Variants in LRRC75A observed in about 807,000 individuals in gnomAD.
The protein encoded by LRRC75A is leucine-rich repeat-containing protein 75A.
LRRC75A carries 12 observed loss-of-function variants against 26.0 expected under a neutral mutation model. The ratio of observed to expected loss-of-function variants is 0.46; its 90% CI spans 0.30 to 0.75. The LOEUF is 0.75. LRRC75A is among the 30% of genes least tolerant of loss of function. LRRC75A has a pLI of 0.08. For missense variants in LRRC75A, 410 were observed against 486.6 expected (o/e 0.84, Z 1.48); for synonymous variants, 223 against 219.3 (o/e 1.02, Z -0.15).
At chr17:16,474,685 G>A (rs1272661536) in intron 1 of LRRC75A, among the ~76,000 whole-genome samples, 2 of 152,044 alleles carry the variant, frequency 1.3e-5, no homozygotes, top group Admixed American at 6.6e-5. Flanking sequence ...TTCTGCCCAA[G>A]TGAAATGAAA....
Position 16,447,890 on chromosome 17 carries a change from T to C in LRRC75A, c.446A>G (p.Gln149Arg). 6.5e-7 allele frequency: 1 copy of C among 1,550,334 alleles called. No homozygotes were observed. Among genetic ancestry groups the C allele is most frequent in the Non-Finnish European group, 8.7e-7 (1 of 1,146,740 alleles). ...QLTYHLSPHSQWRRHRGLVKR... is the reference protein window; with the variant it reads ...QLTYHLSPHSRWRRHRGLVKR... Reference sequence around the variant, plus strand: ...CACCAGCCCCCGGTGCCGCCTCCACTGGGAGTGGGGGCTGAGGTGGTATGT... The same window carrying C: ...CACCAGCCCCCGGTGCCGCCTCCACCGGGAGTGGGGGCTGAGGTGGTATGT... Residue 149 changes from glutamine (Q) to arginine (R), a missense_variant, in exon 3 of 4, where the codon CAG (glutamine) becomes CGG (arginine). Gln to Arg is a conservative substitution (Grantham distance 43). Transcript: ENST00000470794.
Position 16,491,999 on chromosome 17 carries a change from C to A in LRRC75A, c.-9G>T. 1 of 1,165,902 alleles carries A rather than the reference C, an allele frequency of 8.6e-7. No homozygotes were observed. The highest frequency in any genetic ancestry group is 4.0e-5 in the South Asian group (1 of 24,730). The allele number at this position is 1,165,902 out of a possible 1,614,324, so 72.2% of individuals were successfully genotyped here. A position where few individuals can be genotyped will look rare whatever the true frequency, so the allele number is the denominator to read the frequency against. ...GTCTGCCGGGTGCCCATGCCGCCGC[C>A]GCCCGCCGGGACTCTCCGCTCTGGG... On this transcript the variant is annotated 5_prime_UTR_variant, in exon 1 of 4. Coordinates refer to ENST00000470794, the MANE Select transcript of LRRC75A (RefSeq NM_001113567.3). The surrounding 1 kb of genome is among the most constrained non-coding windows in gnomAD (Gnocchi z 5.9).
chr17:16,480,195 AT>A (rs1470556363), intron 1 of LRRC75A, among the ~76,000 whole-genome samples: 2 of 152,236 alleles, frequency 1.3e-5, no homozygotes, highest in African/African-American at 4.8e-5. Flanking sequence ...TTGTATAATT[AT>A]TTCATTATAT....
rs529427017 is a variant in LRRC75A at position 16,469,662 on chromosome 17, C to T, written c.247-7276G>A. ...GACCTTGAGAAGGGACATCTTCACC[C>T]ACTTCATGGCCTGAATCTCCAACAC... On this transcript the variant is annotated intron_variant, in intron 1 of 3. Coordinates refer to ENST00000470794, the MANE Select transcript of LRRC75A (RefSeq NM_001113567.3). Among the ~76,000 whole-genome samples, 7 of 152,330 alleles carry T rather than the reference C, an allele frequency of 4.6e-5. No homozygotes were observed. The South Asian group carries it at 1.4e-3, about 32-fold the overall frequency.
At chr17:16,463,968 A>T (rs3744281) in intron 1 of LRRC75A, 91,508 of 152,164 alleles carry the variant, frequency 0.6, 28,252 homozygotes, top group Non-Finnish European at 0.67. Flanking sequence ...TACAAGCAAA[A>T]AAAGAGTCTT....
intron 1 of LRRC75A, among the ~76,000 whole-genome samples, chr17:16,489,978 G>A (rs576101883): frequency 6.6e-6 from 1 of 152,196 alleles, no homozygotes; most frequent in South Asian, 2.1e-4. Context: ...ATCCCACAGT[G>A]GGGCTGCAGG....
intron 1 of LRRC75A, among the ~76,000 whole-genome samples, chr17:16,465,554 T>C (rs1331845103): frequency 6.6e-6 from 1 of 152,162 alleles, no homozygotes; most frequent in African/African-American, 2.4e-5. Context: ...AAGAAAAGCT[T>C]GAAAGCCCTG....
intron 1 of LRRC75A, among the ~76,000 whole-genome samples, chr17:16,465,759 C>T (rs975869132): frequency 1.2e-4 from 19 of 152,252 alleles, no homozygotes; most frequent in African/African-American, 9.6e-5. Flanking sequence ...CGTCTCCCCG[C>T]GCCATCCCCC....
rs73288904 is a variant in LRRC75A at position 16,462,727 on chromosome 17, A to G, written c.247-341T>C. The G allele has an allele frequency of 3.8e-3, 1,018 of 265,448 alleles. 11 individuals are homozygous for G. The highest frequency in any genetic ancestry group is 0.022 in the African/African-American group (977 of 45,070). 16.4% of individuals were successfully genotyped at this position (265,448 alleles called of 1,614,324 possible). A position where few individuals can be genotyped will look rare whatever the true frequency, so the allele number is the denominator to read the frequency against. The stretch of plus-strand genomic sequence containing the variant: ...CCTCGGTGCAAGCAGCTGCTTCTCT[A>G]TGGTGGCAAAATTTGGAATTAACTG... On this transcript the variant is annotated intron_variant, in intron 1 of 3. Coordinates refer to ENST00000470794, the MANE Select transcript of LRRC75A (RefSeq NM_001113567.3). The surrounding 1 kb of genome is among the most constrained non-coding windows in gnomAD (Gnocchi z 4.6).
chr17:16,448,263 A>T, intron 2 of LRRC75A: 1 of 395,390 alleles, frequency 2.5e-6, no homozygotes, highest in Middle Eastern at 3.6e-4. Flanking sequence ...CCTGGCCAAG[A>T]CTCACCATGA....
intron 2 of LRRC75A, among the ~76,000 whole-genome samples, chr17:16,450,551 T>C (rs1213560236): frequency 6.6e-6 from 1 of 152,164 alleles, no homozygotes; most frequent in Non-Finnish European, 1.5e-5. Context: ...GTCACTCTTG[T>C]GTGTTGCAGA....
chr17:16,482,600 A>C lies in LRRC75A; in HGVS notation c.246+9145T>G, dbSNP rs2093837120. Among the ~76,000 whole-genome samples, 6 of 152,208 alleles carry C rather than the reference A, an allele frequency of 3.9e-5. No homozygotes were observed. In the South Asian group the frequency reaches 1.2e-3, roughly 31 times the overall value. On this transcript the variant is annotated intron_variant, in intron 1 of 3. Transcript: ENST00000470794. ...CTGGGCCTAGCGCCTGTGTCCACTCATGAGCCCCACTGAGGAAAGGGGTTT... is the reference window on the plus strand; with the variant it reads ...CTGGGCCTAGCGCCTGTGTCCACTCCTGAGCCCCACTGAGGAAAGGGGTTT...
In LRRC75A at chr17:16,471,266, C is replaced by T. The variant is rs79921399; in HGVS notation, c.247-8880G>A. 6.4e-3 allele frequency among the ~76,000 whole-genome samples: 981 copies of T among 152,240 alleles called. 7 individuals are homozygous for T. Among genetic ancestry groups the T allele is most frequent in the African/African-American group, 0.022 (921 of 41,546 alleles). Reference sequence around the variant, plus strand: ...TGGAAGGGAGAAAGAGTGAAATCTCCCCTGGAATCTCTGGATGGACACGGC... The same window carrying T: ...TGGAAGGGAGAAAGAGTGAAATCTCTCCTGGAATCTCTGGATGGACACGGC... On this transcript the variant is annotated intron_variant, in intron 1 of 3. Transcript: ENST00000470794.
At chr17:16,453,501 A>G (rs1312147831) in intron 2 of LRRC75A, among the ~76,000 whole-genome samples, 2 of 152,296 alleles carry the variant, frequency 1.3e-5, no homozygotes, top group South Asian at 2.1e-4. Flanking sequence ...CACTGGCTAG[A>G]CAGGAACAAT....
intron 2 of LRRC75A, among the ~76,000 whole-genome samples, chr17:16,460,619 G>A (rs1237679223): frequency 6.6e-6 from 1 of 152,246 alleles, no homozygotes; most frequent in Non-Finnish European, 1.5e-5. Flanking sequence ...GTCCCGCCCG[G>A]CTCTGGGTCA....
intron 1 of LRRC75A, among the ~76,000 whole-genome samples, chr17:16,474,776 C>T (rs779245049): frequency 6.6e-6 from 1 of 151,960 alleles, no homozygotes; most frequent in East Asian, 1.9e-4. Flanking sequence ...AGGTGGATCA[C>T]GAGGTCAGGA....
At chr17:16,488,688 T>C (rs1169260371) in intron 1 of LRRC75A, among the ~76,000 whole-genome samples, 1 of 152,146 alleles carries the variant, frequency 6.6e-6, no homozygotes, top group Non-Finnish European at 1.5e-5. Flanking sequence ...ATTACACTTA[T>C]CTTAAAGGGA....
Position 16,485,332 on chromosome 17 carries a change from T to G in LRRC75A, c.246+6413A>C, listed in dbSNP as rs116852142. Among the ~76,000 whole-genome samples, 11 of 151,620 alleles carry G rather than the reference T, an allele frequency of 7.3e-5. No homozygotes were observed. The East Asian group carries it at 1.9e-3, about 27-fold the overall frequency. On this transcript the variant is annotated intron_variant, in intron 1 of 3. Coordinates refer to ENST00000470794, the MANE Select transcript of LRRC75A (RefSeq NM_001113567.3). ...ATCGGGAGGTGGGGCCTACGGGAGG[T>G]GATTCAGTCATAAGGCTAAAGCCCT...
At chr17:16,466,793 G>A (rs1192605370) in intron 1 of LRRC75A, among the ~76,000 whole-genome samples, 3 of 152,178 alleles carry the variant, frequency 2.0e-5, no homozygotes, top group African/African-American at 7.2e-5. Flanking sequence ...GATGGGCTTG[G>A]GAATAGGGGT....
Sources: allele counts gnomAD v4.1 joint callset (sites outside exome capture counted in the v4.1 genomes callset), GRCh38; gene constraint gnomAD v4.1.1; non-coding constraint Gnocchi (gnomAD v3.1); transcripts MANE v1.5; gene names NCBI Gene and HGNC (gene_info 2026-07-23, HGNC 2026-07-21).